The following NEXMIF variants were observed in gnomAD, a reference collection of about 807,000 sequenced individuals.
The protein encoded by NEXMIF is XLMR protein related to neurite extension.
Under a neutral mutation model 62.1 loss-of-function variants are expected in NEXMIF, and 8 were observed. The observed-to-expected ratio is 0.13, with a 90% confidence interval of 0.08 to 0.23. The LOEUF (loss-of-function observed/expected upper bound fraction) is 0.23. Ranked by LOEUF, NEXMIF falls within the 10% of genes least tolerant of loss-of-function variation. NEXMIF has a pLI of 1.00. For synonymous variants in NEXMIF, 404 were observed against 416.6 expected, an observed-to-expected ratio of 0.97 and a Z score of 0.37; for missense variants, 976 against 1,113.3, an observed-to-expected ratio of 0.88 and a Z score of 1.75.
intron 1 of NEXMIF, among the ~76,000 whole-genome samples, chrX:74,884,237 C>G (rs1023457012): frequency 1.5e-4 from 17 of 111,950 alleles, no homozygotes; most frequent in Non-Finnish European, 2.8e-4. Context: ...ACTGCATCAA[C>G]TAATGAGCAA....
intron 1 of NEXMIF, among the ~76,000 whole-genome samples, chrX:74,888,212 C>T (rs866059103): frequency 9.2e-6 from 1 of 108,211 alleles, no homozygotes; most frequent in Non-Finnish European, 1.9e-5. Flanking sequence ...ATGGGTGCAG[C>T]ACACAAACAT....
chrX:74,856,289 T>C (rs2080534704), intron 1 of NEXMIF, among the ~76,000 whole-genome samples: 1 of 111,422 alleles, frequency 9.0e-6, no homozygotes, highest in Non-Finnish European at 1.9e-5. Flanking sequence ...ATATGAAAAA[T>C]TCACTAGAAG....
At chrX:74,760,716 C>T (rs1162338750) in intron 1 of NEXMIF, among the ~76,000 whole-genome samples, 2 of 111,088 alleles carry the variant, frequency 1.8e-5, no homozygotes, top group Non-Finnish European at 3.8e-5. Flanking sequence ...TTGAACCTAC[C>T]TTGCATCCCA....
At chrX:74,769,948 T>C (rs1458969183) in intron 1 of NEXMIF, 1 of 232,903 alleles carries the variant, frequency 4.3e-6, no homozygotes, top group Non-Finnish European at 7.6e-6. Context: ...GGGTTTCTCA[T>C]TGGCTATGAA....
chrX:74,849,912 G>A (rs1346030101), intron 1 of NEXMIF, among the ~76,000 whole-genome samples: 2 of 111,744 alleles, frequency 1.8e-5, no homozygotes, highest in Non-Finnish European at 3.8e-5. Context: ...ACCAATGAAA[G>A]CAACCTTGCA....
chrX:74,864,208 C>T (rs934716665), intron 1 of NEXMIF, among the ~76,000 whole-genome samples: 8 of 111,995 alleles, frequency 7.1e-5, no homozygotes, highest in Non-Finnish European at 1.3e-4. Context: ...TACTCAATAT[C>T]GTATTGGAAG....
At chrX:74,920,017 G>C (rs1025052500) in intron 1 of NEXMIF, among the ~76,000 whole-genome samples, 3 of 111,832 alleles carry the variant, frequency 2.7e-5, no homozygotes, top group East Asian at 2.8e-4. Flanking sequence ...TCTTAATCCA[G>C]TCTATCATTG....
intron 1 of NEXMIF, among the ~76,000 whole-genome samples, chrX:74,806,367 T>C (rs2080344930): frequency 9.0e-6 from 1 of 111,210 alleles, no homozygotes; most frequent in African/African-American, 3.3e-5. Context: ...CTCAGCATCA[T>C]GCAACATACC....
In NEXMIF at chrX:74,737,629, C is replaced by T. The variant is rs911302164; in HGVS notation, c.*1776G>A. 2 of 111,180 alleles carry T rather than the reference C, an allele frequency of 1.8e-5. No homozygotes were observed. Among genetic ancestry groups the T allele is most frequent in the East Asian group, 2.8e-4 (1 of 3,513 alleles). 9.2% of individuals were successfully genotyped at this position (111,180 alleles called of 1,213,427 possible). A position where few individuals can be genotyped will look rare whatever the true frequency, so the allele number is the denominator to read the frequency against. Reference sequence around the variant, plus strand: ...CAGGCTGGTGAAAGGAATCATGGACCGGGAAGTGTATATACTTATATACAT... The same window carrying T: ...CAGGCTGGTGAAAGGAATCATGGACTGGGAAGTGTATATACTTATATACAT... On this transcript the variant is annotated 3_prime_UTR_variant, in exon 4 of 4. Transcript: ENST00000055682.
chrX:74,735,813 G>A lies in NEXMIF; in HGVS notation c.*3592C>T, dbSNP rs2147436618. 8.9e-6 allele frequency: 1 copy of A among 111,961 alleles called. No homozygotes were observed. The highest frequency in any genetic ancestry group is 3.2e-5 in the African/African-American group (1 of 30,780). 9.2% of individuals were successfully genotyped at this position (111,961 alleles called of 1,213,427 possible). A position where few individuals can be genotyped will look rare whatever the true frequency, so the allele number is the denominator to read the frequency against. On this transcript the variant is annotated 3_prime_UTR_variant, in exon 4 of 4. Transcript: ENST00000055682. ...GGAAGCAGCATATGTGAAGAAGCTG[G>A]TATAAGAGACCTTGGCGAGGCAGAA...
chrX:74,792,478 A>T (rs1205622678), intron 1 of NEXMIF, among the ~76,000 whole-genome samples: 2 of 106,912 alleles, frequency 1.9e-5, no homozygotes, highest in Non-Finnish European at 3.9e-5. Flanking sequence ...AGTTCTGTAG[A>T]TGTCTATTAG....
chrX:74,751,044 A>G (rs1173344474), intron 1 of NEXMIF, among the ~76,000 whole-genome samples: 2 of 111,264 alleles, frequency 1.8e-5, no homozygotes, highest in Non-Finnish European at 3.8e-5. Flanking sequence ...CCTGGGCAAC[A>G]TGGGGAAACC....
chrX:74,843,353 C>G (rs949908577), intron 1 of NEXMIF, among the ~76,000 whole-genome samples: 1 of 110,183 alleles, frequency 9.1e-6, no homozygotes, highest in Non-Finnish European at 1.9e-5. Flanking sequence ...TTATTTTGAG[C>G]CTGTAAGTGT....
At chrX:74,866,822 G>C (rs1050644295) in intron 1 of NEXMIF, among the ~76,000 whole-genome samples, 4 of 112,729 alleles carry the variant, frequency 3.5e-5, no homozygotes, top group Admixed American at 1.9e-4. Flanking sequence ...CTTCCGCCAT[G>C]ATTGTGAGGC....
intron 1 of NEXMIF, among the ~76,000 whole-genome samples, chrX:74,769,244 T>A (rs1195990694): frequency 9.0e-6 from 1 of 111,304 alleles, no homozygotes; most frequent in Non-Finnish European, 1.9e-5. Flanking sequence ...AACACCTGTG[T>A]TTCCTTTCAG....
chrX:74,867,790 T>C (rs1037199601), intron 1 of NEXMIF, among the ~76,000 whole-genome samples: 2 of 112,269 alleles, frequency 1.8e-5, no homozygotes, highest in African/African-American at 3.2e-5. Flanking sequence ...AAGTGTGATC[T>C]AATTAAACTA....
At chrX:74,765,013 G>T (rs1321688950) in intron 1 of NEXMIF, among the ~76,000 whole-genome samples, 2 of 111,518 alleles carry the variant, frequency 1.8e-5, no homozygotes, top group Non-Finnish European at 3.8e-5. Context: ...GTCTAATACT[G>T]TCAGTGGAGT....
In NEXMIF at chrX:74,877,080, C is replaced by T. The variant is rs762193925; in HGVS notation, c.-48+47803G>A. ...GCTCGTTAGTTGATGCAGTTTCTTCCTAGTCTTGATGGTCTTTACATTTTG... is the reference window on the plus strand; with the variant it reads ...GCTCGTTAGTTGATGCAGTTTCTTCTTAGTCTTGATGGTCTTTACATTTTG... On this transcript the variant is annotated intron_variant, in intron 1 of 3. Transcript: ENST00000055682. Among the ~76,000 whole-genome samples, 15 of 111,574 alleles carry T rather than the reference C, an allele frequency of 1.3e-4. 1 individual carries two copies. The South Asian group carries it at 5.7e-3, about 42-fold the overall frequency.
intron 1 of NEXMIF, among the ~76,000 whole-genome samples, chrX:74,780,766 TG>T: frequency 8.9e-6 from 1 of 112,124 alleles, no homozygotes; most frequent in African/African-American, 3.2e-5. Flanking sequence ...CTATGAAGCA[TG>T]TATTATCTCT....
Sources: allele counts gnomAD v4.1 joint callset (sites outside exome capture counted in the v4.1 genomes callset), GRCh38; gene constraint gnomAD v4.1.1; transcripts MANE v1.5; gene names NCBI Gene and HGNC (gene_info 2026-07-23, HGNC 2026-07-21).